Variants in NXPE2 observed in about 807,000 individuals in gnomAD.
NXPE2 encodes the protein NXPE family member 2.
NXPE2 carries 34 observed loss-of-function variants against 34.4 expected under a neutral mutation model. That is an observed-to-expected ratio of 0.99 (90% CI 0.75 to 1.31). The LOEUF (loss-of-function observed/expected upper bound fraction) is 1.31, where lower values mean the gene tolerates loss of function less well. Ranked by LOEUF, NXPE2 falls within the 40% of genes most tolerant of loss-of-function variation. The pLI, the probability that NXPE2 is intolerant of heterozygous loss-of-function variation, is 0.00. For missense variants in NXPE2, 649 were observed against 672.5 expected (o/e 0.97, Z 0.39); for synonymous variants, 235 against 231.3 (o/e 1.02, Z -0.15).
chr11:114,618,651 T>C, the NXPE2 span, among the ~76,000 whole-genome samples: 2 of 152,142 alleles, frequency 1.3e-5, no homozygotes, highest in South Asian at 2.1e-4. Flanking sequence ...CGGTTTATAA[T>C]AAGTGTTGCC....
chr11:114,535,940 C>G, the NXPE2 span, among the ~76,000 whole-genome samples: 1 of 152,162 alleles, frequency 6.6e-6, no homozygotes, highest in Non-Finnish European at 1.5e-5. Context: ...ACCTAATAGA[C>G]ATCTACAGAA....
At chr11:114,527,476 A>G in the NXPE2 span, among the ~76,000 whole-genome samples, 1 of 152,180 alleles carries the variant, frequency 6.6e-6, no homozygotes, top group Non-Finnish European at 1.5e-5. Context: ...CATCAACTAA[A>G]TGTTAGGGGG....
At chr11:114,582,862 T>C in the NXPE2 span, 4 of 1,614,082 alleles carry the variant, frequency 2.5e-6, no homozygotes, top group Non-Finnish European at 3.4e-6. Flanking sequence ...GTGAAAGGTC[T>C]GGGTGGGATC....
chr11:114,470,628 C>T, the NXPE2 span, among the ~76,000 whole-genome samples: 1 of 122,408 alleles, frequency 8.2e-6, no homozygotes, highest in Admixed American at 8.4e-5. Context: ...TGTGTGTATA[C>T]AGAGAGGTAC....
At chr11:114,622,854 G>A in the NXPE2 span, among the ~76,000 whole-genome samples, 618 of 151,804 alleles carry the variant, frequency 4.1e-3, 5 homozygotes, top group South Asian at 0.029. Flanking sequence ...TTGCTTCATG[G>A]GATACCACTG....
At chr11:114,745,487 C>A in the NXPE2 span, among the ~76,000 whole-genome samples, 4 of 152,174 alleles carry the variant, frequency 2.6e-5, no homozygotes, top group Non-Finnish European at 5.9e-5. Context: ...ATGATCCAAA[C>A]ACCTCCTGCC....
At chr11:114,514,082 C>G in the NXPE2 span, among the ~76,000 whole-genome samples, 1 of 152,034 alleles carries the variant, frequency 6.6e-6, no homozygotes, top group Admixed American at 6.5e-5. Context: ...GCATATATAA[C>G]ATATGTTTTC....
At chr11:114,798,203 C>T in the NXPE2 span, among the ~76,000 whole-genome samples, 1 of 152,148 alleles carries the variant, frequency 6.6e-6, no homozygotes, top group Non-Finnish European at 1.5e-5. Flanking sequence ...GTATTTAGCT[C>T]TGAGATTTTT....
At chr11:114,505,422 C>T in the NXPE2 span, among the ~76,000 whole-genome samples, 1 of 152,014 alleles carries the variant, frequency 6.6e-6, no homozygotes, top group African/African-American at 2.4e-5. Context: ...GACATATGAT[C>T]ATCAGATTCT....
At chr11:114,616,185 T>C in the NXPE2 span, among the ~76,000 whole-genome samples, 52 of 151,662 alleles carry the variant, frequency 3.4e-4, no homozygotes, top group African/African-American at 1.2e-3. Context: ...TGATAAGTAA[T>C]GTCTCATGAG....
the NXPE2 span, among the ~76,000 whole-genome samples, chr11:114,776,411 T>C: frequency 6.6e-6 from 1 of 152,282 alleles, no homozygotes; most frequent in Admixed American, 6.5e-5. Context: ...GGCCTTGCCT[T>C]GCGTGAAGCG....
the NXPE2 span, among the ~76,000 whole-genome samples, chr11:114,496,944 T>C: frequency 6.6e-6 from 1 of 152,240 alleles, no homozygotes; most frequent in African/African-American, 2.4e-5. Flanking sequence ...TTATGTATAG[T>C]ACATTATTGA....
the NXPE2 span, chr11:114,570,986 T>C: frequency 1.3e-5 from 21 of 1,611,352 alleles, no homozygotes; most frequent in African/African-American, 2.0e-4. Context: ...CGACTACATG[T>C]TGAGGTGGGT....
At chr11:114,532,729 A>G in the NXPE2 span, among the ~76,000 whole-genome samples, 2 of 152,194 alleles carry the variant, frequency 1.3e-5, no homozygotes, top group Non-Finnish European at 2.9e-5. Flanking sequence ...ATGTGCATAT[A>G]TGCATATACA....
chr11:114,541,523 C>G, the NXPE2 span, among the ~76,000 whole-genome samples: 1 of 152,208 alleles, frequency 6.6e-6, no homozygotes, highest in Non-Finnish European at 1.5e-5. Flanking sequence ...ACACGTGACA[C>G]AGCCGTCAGG....
chr11:114,499,402 T>C, the NXPE2 span, among the ~76,000 whole-genome samples: 3 of 152,164 alleles, frequency 2.0e-5, no homozygotes, highest in Non-Finnish European at 4.4e-5. Context: ...TTTTTTGCCA[T>C]TTTTAAAATT....
the NXPE2 span, among the ~76,000 whole-genome samples, chr11:114,542,616 T>C: frequency 6.6e-6 from 1 of 152,156 alleles, no homozygotes; most frequent in Non-Finnish European, 1.5e-5. Flanking sequence ...ATTTGCCTTA[T>C]AGTTATTAAC....
chr11:114,774,066 G>A, the NXPE2 span, among the ~76,000 whole-genome samples: 2 of 152,166 alleles, frequency 1.3e-5, no homozygotes, highest in Admixed American at 6.5e-5. Flanking sequence ...TCTTGAAACT[G>A]CTTCCCGGAA....
At chr11:114,734,634 A>C in the NXPE2 span, among the ~76,000 whole-genome samples, 1 of 152,278 alleles carries the variant, frequency 6.6e-6, no homozygotes, top group South Asian at 2.1e-4. Context: ...ATGACTTCTA[A>C]TTTACTTAGT....
Sources: gnomAD v4.1 joint callset for allele counts (sites outside exome capture counted in the v4.1 genomes callset) on GRCh38, gnomAD v4.1.1 for gene constraint, MANE v1.5 for transcripts, NCBI Gene and HGNC (gene_info 2026-07-23, HGNC 2026-07-21) for gene names.